Variants in PPTC7 observed in about 807,000 individuals in gnomAD.
The protein encoded by PPTC7 is protein phosphatase targeting COQ7.
A neutral mutation model predicts 30.8 loss-of-function variants in PPTC7; 6 were observed. That is an observed-to-expected ratio of 0.19 (90% CI 0.11 to 0.38). The LOEUF (loss-of-function observed/expected upper bound fraction) is 0.38, where lower values mean the gene tolerates loss of function less well. Ranked by LOEUF, PPTC7 falls within the 10% of genes least tolerant of loss-of-function variation. The pLI is 1.00. For synonymous variants in PPTC7, 163 were observed against 168.1 expected, an observed-to-expected ratio of 0.97 and a Z score of 0.23; for missense variants, 218 against 404.8, an observed-to-expected ratio of 0.54 and a Z score of 3.96.
chr12:110,562,994 C>T (rs1190430035), intron 1 of PPTC7, among the ~76,000 whole-genome samples: 4 of 151,084 alleles, frequency 2.6e-5, no homozygotes, highest in Admixed American at 2.6e-4. Flanking sequence ...TGGTGGTAGG[C>T]ACCTGTAGTC....
chr12:110,537,201 T>C, intron 5 of PPTC7, 106 bp from the exon 6 acceptor site: 1 of 900,832 alleles, frequency 1.1e-6, no homozygotes, highest in Admixed American at 1.9e-5. Flanking sequence ...TTCCAGGCAG[T>C]TTTGGTTTGT....
chr12:110,550,777 G>A (rs897243156), intron 2 of PPTC7, among the ~76,000 whole-genome samples: 8 of 152,102 alleles, frequency 5.3e-5, no homozygotes, highest in Admixed American at 2.0e-4. Context: ...AGATTATCGG[G>A]GATCTAATTT....
chr12:110,582,767 C>A lies in PPTC7; in HGVS notation c.223+42G>T, dbSNP rs953608502. 5 of 1,475,560 alleles carry A rather than the reference C, an allele frequency of 3.4e-6. No individual in the cohort carries two copies. In the South Asian group the frequency reaches 5.1e-5, roughly 15 times the overall value. The allele number at this position is 1,475,560 out of a possible 1,614,324, so 91.4% of individuals were successfully genotyped here. A position where few individuals can be genotyped will look rare whatever the true frequency, so the allele number is the denominator to read the frequency against. Reference sequence around the variant, plus strand: ...CCCCGCGCGGGGAGTCCCCGGGAGGCGGATCCGAGGCTGGGGCAAGGGAAC... The same window carrying A: ...CCCCGCGCGGGGAGTCCCCGGGAGGAGGATCCGAGGCTGGGGCAAGGGAAC... On this transcript the variant is annotated intron_variant, in intron 1 of 5. Transcript: ENST00000354300.
intron 2 of PPTC7, among the ~76,000 whole-genome samples, chr12:110,550,467 T>C (rs919581135): frequency 6.6e-6 from 1 of 151,950 alleles, no homozygotes; most frequent in Non-Finnish European, 1.5e-5. Context: ...CCTGACCTCA[T>C]GATCCGCCCA....
intron 1 of PPTC7, among the ~76,000 whole-genome samples, chr12:110,563,122 C>CAAAAAAAAAAAAAAA (rs766517371): frequency 1.4e-4 from 6 of 43,118 alleles, no homozygotes; most frequent in Non-Finnish European, 1.7e-4. Context: ...GACTCCATCT[C>CAAAAAAAAAAAAAAA]AAAAAAAAAA....
intron 1 of PPTC7, among the ~76,000 whole-genome samples, chr12:110,556,775 C>G (rs1446977702): frequency 6.6e-6 from 1 of 152,184 alleles, no homozygotes; most frequent in East Asian, 1.9e-4. Context: ...AGAAGCTCCC[C>G]TGCTAGTGGG....
chr12:110,573,811 G>A lies in PPTC7; in HGVS notation c.223+8998C>T, dbSNP rs140142749. 2.7e-3 allele frequency among the ~76,000 whole-genome samples: 410 copies of A among 151,920 alleles called. 4 individuals are homozygous for A. Among genetic ancestry groups the A allele is most frequent in the South Asian group, 0.021 (101 of 4,816 alleles). On this transcript the variant is annotated intron_variant, in intron 1 of 5. Coordinates refer to ENST00000354300, the MANE Select transcript of PPTC7 (RefSeq NM_139283.2). The stretch of plus-strand genomic sequence containing the variant: ...AGCCTGACCAACATGGAGAAACCCC[G>A]TCTCTACTAAAAATACAAAATTAGT...
intron 3 of PPTC7, among the ~76,000 whole-genome samples, chr12:110,541,075 G>A (rs1014389804): frequency 2.0e-5 from 3 of 149,754 alleles, no homozygotes; most frequent in Admixed American, 6.6e-5. Context: ...GCGCCCAGCC[G>A]CCAATCTTAT....
At chr12:110,574,845 C>G (rs1057243255) in intron 1 of PPTC7, among the ~76,000 whole-genome samples, 1 of 151,896 alleles carries the variant, frequency 6.6e-6, no homozygotes, top group African/African-American at 2.4e-5. Context: ...GTGGCACGAT[C>G]TCGGGTCACT....
chr12:110,538,072 A>G, intron 5 of PPTC7, 72 bp downstream of exon 5: 1 of 1,533,950 alleles, frequency 6.5e-7, no homozygotes, highest in Non-Finnish European at 8.9e-7. Flanking sequence ...TCTCACCCAG[A>G]GCCCAGAATG....
chr12:110,537,828 G>C (rs925747876), intron 5 of PPTC7, among the ~76,000 whole-genome samples: 1 of 152,244 alleles, frequency 6.6e-6, no homozygotes, highest in Non-Finnish European at 1.5e-5. Flanking sequence ...AAACTGTTAG[G>C]AATGTCCACG....
chr12:110,550,294 G>A (rs1308768564), intron 2 of PPTC7, among the ~76,000 whole-genome samples: 6 of 146,074 alleles, frequency 4.1e-5, no homozygotes, highest in Admixed American at 2.1e-4. Flanking sequence ...GCAGTGGCGC[G>A]ATTTTGGCTC....
At position 110,538,125 on chromosome 12, in the gene PPTC7, C is replaced by T. The variant is rs376389146; in HGVS notation, c.856+19G>A. 4.3e-6 allele frequency: 7 copies of T among 1,612,960 alleles called. No homozygotes were observed. The African/African-American group carries it at 9.3e-5, about 22-fold the overall frequency. On this transcript the variant is annotated intron_variant, in intron 5 of 5. Coordinates refer to ENST00000354300, the MANE Select transcript of PPTC7 (RefSeq NM_139283.2). ...CATGTCCCCAGTCAGTCCCTATGACCTTCCCAAAGAATGCTTACCTCTCAC... is the reference window on the plus strand; with the variant it reads ...CATGTCCCCAGTCAGTCCCTATGACTTTCCCAAAGAATGCTTACCTCTCAC...
chr12:110,559,413 T>A (rs531119630), intron 1 of PPTC7, among the ~76,000 whole-genome samples: 1,462 of 111,936 alleles, frequency 0.013, 29 homozygotes, highest in African/African-American at 0.052. Flanking sequence ...AAGAAAAAAA[T>A]TTTTTTTTTT....
At chr12:110,546,381 A>C in intron 2 of PPTC7, 2 of 345,996 alleles carry the variant, frequency 5.8e-6, no homozygotes, top group South Asian at 3.6e-5. Flanking sequence ...ACACTATTTC[A>C]TTTCAACAGT....
chr12:110,583,150 C>T lies in PPTC7; in HGVS notation c.-119G>A. On this transcript the variant is annotated 5_prime_UTR_variant, in exon 1 of 6. Transcript: ENST00000354300. ...GCCGCTGGGGCGCTCCTCAGGGCGGCGCGCAGTGGCCGCCGCCGCCCCTGC... is the reference window on the plus strand; with the variant it reads ...GCCGCTGGGGCGCTCCTCAGGGCGGTGCGCAGTGGCCGCCGCCGCCCCTGC... 1 of 631,810 alleles carries T rather than the reference C, an allele frequency of 1.6e-6. No homozygotes were observed. The highest frequency in any genetic ancestry group is 2.2e-6 in the Non-Finnish European group (1 of 463,570). The allele number at this position is 631,810 out of a possible 1,614,324, so 39.1% of individuals were successfully genotyped here.
chr12:110,578,388 T>C (rs754192536), intron 1 of PPTC7, among the ~76,000 whole-genome samples: 16 of 152,168 alleles, frequency 1.1e-4, no homozygotes, highest in Admixed American at 6.6e-4. Context: ...TTACTCCTGT[T>C]GGACCTAGTA....
Position 110,577,154 on chromosome 12 carries a change from G to A in PPTC7, c.223+5655C>T, listed in dbSNP as rs555800532. 1.6e-3 allele frequency among the ~76,000 whole-genome samples: 192 copies of A among 119,534 alleles called. 1 individual carries two copies. The highest frequency in any genetic ancestry group is 5.9e-3 in the African/African-American group (184 of 31,446). The allele number at this position is 119,534 out of a possible 152,430, so 78.4% of individuals were successfully genotyped here. A position where few individuals can be genotyped will look rare whatever the true frequency, so the allele number is the denominator to read the frequency against. ...TGCTCTCCAGCCTGGGCACAAGGGC[G>A]AGACTCTGTCTCAAAAAAAAAAAAA... On this transcript the variant is annotated intron_variant, in intron 1 of 5. Transcript: ENST00000354300.
chr12:110,569,468 T>C (rs904584031), intron 1 of PPTC7, among the ~76,000 whole-genome samples: 29 of 152,290 alleles, frequency 1.9e-4, no homozygotes, highest in African/African-American at 6.7e-4. Context: ...CCTAAGACAC[T>C]GGTCAGATCG....
Sources: allele counts gnomAD v4.1 joint callset (sites outside exome capture counted in the v4.1 genomes callset), GRCh38; gene constraint gnomAD v4.1.1; transcripts MANE v1.5; gene names NCBI Gene and HGNC (gene_info 2026-07-23, HGNC 2026-07-21).